The following UGT1A8 variants were observed in gnomAD, a reference collection of about 807,000 sequenced individuals.
UGT1A8 encodes the protein UDP-glucuronosyltransferase 1A8.
A neutral mutation model predicts 45.3 loss-of-function variants in UGT1A8; 39 were observed. The ratio of observed to expected loss-of-function variants is 0.86; its 90% confidence interval spans 0.67 to 1.12. The LOEUF (loss-of-function observed/expected upper bound fraction) is 1.12. Ranked by LOEUF, UGT1A8 falls within the 50% of genes most tolerant of loss-of-function variation. The probability of loss-of-function intolerance (pLI) is 0.00; values close to 1 mark genes in which losing one functional copy is unlikely to be tolerated. For synonymous variants in UGT1A8, 275 were observed against 249.2 expected (o/e 1.10, Z -0.97); for missense variants, 719 against 664.9 (o/e 1.08, Z -0.90).
chr2:233,633,995 T>C (rs567956780), intron 1 of UGT1A8, among the ~76,000 whole-genome samples: 1 of 152,238 alleles, frequency 6.6e-6, no homozygotes, highest in South Asian at 2.1e-4. Context: ...TCCCAGAGAT[T>C]CTGGTAGGTT....
intron 1 of UGT1A8, among the ~76,000 whole-genome samples, chr2:233,678,894 G>T (rs1012651965): frequency 3.3e-5 from 5 of 152,108 alleles, no homozygotes; most frequent in African/African-American, 9.7e-5. Flanking sequence ...GATTGGCTCT[G>T]TCATAAATCC....
At chr2:233,636,498 T>C (rs768818871) in intron 1 of UGT1A8, 1 of 1,599,320 alleles carries the variant, frequency 6.3e-7, no homozygotes, top group East Asian at 2.2e-5. Flanking sequence ...GAATCCCAGC[T>C]GCTGGCTCGG....
chr2:233,736,477 G>T (rs565407070), intron 1 of UGT1A8, among the ~76,000 whole-genome samples: 1 of 152,272 alleles, frequency 6.6e-6, no homozygotes, highest in East Asian at 1.9e-4. Context: ...GCTTGGAGAG[G>T]TTTGTTACTA....
At chr2:233,718,299 ACT>A (rs1382427566) in intron 1 of UGT1A8, among the ~76,000 whole-genome samples, 3 of 151,938 alleles carry the variant, frequency 2.0e-5, no homozygotes, top group Admixed American at 6.5e-5. Flanking sequence ...CAGCCTGAAC[ACT>A]CTCTGTTTAG....
intron 1 of UGT1A8, among the ~76,000 whole-genome samples, chr2:233,661,172 T>C (rs1249586465): frequency 6.6e-6 from 1 of 151,898 alleles, no homozygotes; most frequent in East Asian, 1.9e-4. Flanking sequence ...CAGACTTTTT[T>C]TTTCTGAAAT....
intron 1 of UGT1A8, among the ~76,000 whole-genome samples, chr2:233,635,922 G>T (rs45464594): frequency 0.017 from 2,532 of 150,956 alleles, 207 homozygotes; most frequent in African/African-American, 0.058. Flanking sequence ...ATGGTCCATG[G>T]AGGCAGGGTT....
At chr2:233,746,331 A>G (rs1482608381) in intron 1 of UGT1A8, among the ~76,000 whole-genome samples, 1 of 151,784 alleles carries the variant, frequency 6.6e-6, no homozygotes, top group Non-Finnish European at 1.5e-5. Context: ...TCTACAGGGC[A>G]ATGGACATGT....
Position 233,760,789 on chromosome 2 carries a change from A to G in UGT1A8, c.856-6245A>G, listed in dbSNP as rs756010756. 3.7e-6 allele frequency: 6 copies of G among 1,613,282 alleles called. No homozygotes were observed. In the African/African-American group the frequency reaches 6.7e-5, roughly 18 times the overall value. On this transcript the variant is annotated intron_variant, in intron 1 of 4. Coordinates refer to ENST00000373450, the MANE Select transcript of UGT1A8 (RefSeq NM_019076.5). Reference sequence around the variant, plus strand: ...CGTGGCCCAGTACCTGTCTCTGCCCACTGTATTCTTCTTGCATGCACTGCC... The same window carrying G: ...CGTGGCCCAGTACCTGTCTCTGCCCGCTGTATTCTTCTTGCATGCACTGCC...
chr2:233,747,015 G>A lies in UGT1A8; in HGVS notation c.856-20019G>A, dbSNP rs911515983. 7.2e-5 allele frequency among the ~76,000 whole-genome samples: 11 copies of A among 151,822 alleles called. 1 individual carries two copies. The highest frequency in any genetic ancestry group is 2.2e-4 in the African/African-American group (9 of 41,118). Reference sequence around the variant, plus strand: ...ATGAGTTTTTCAAGTAGGAGTGATCGGTCTTTCCCGAAGTGGGACCCATAA... The same window carrying A: ...ATGAGTTTTTCAAGTAGGAGTGATCAGTCTTTCCCGAAGTGGGACCCATAA... On this transcript the variant is annotated intron_variant, in intron 1 of 4. Coordinates refer to ENST00000373450, the MANE Select transcript of UGT1A8 (RefSeq NM_019076.5).
chr2:233,687,664 A>G (rs1394370925), intron 1 of UGT1A8, among the ~76,000 whole-genome samples: 2 of 151,670 alleles, frequency 1.3e-5, no homozygotes, highest in Non-Finnish European at 2.9e-5. Flanking sequence ...GCACTTTAGG[A>G]GGCCAAGGCA....
At chr2:233,690,901 A>G (rs2075020381) in intron 1 of UGT1A8, 2 of 1,032,262 alleles carry the variant, frequency 1.9e-6, no homozygotes, top group Non-Finnish European at 2.3e-6. Context: ...TGGTATGCAT[A>G]GTGATGTTAG....
At chr2:233,727,744 G>A (rs1233532072) in intron 1 of UGT1A8, among the ~76,000 whole-genome samples, 5 of 152,112 alleles carry the variant, frequency 3.3e-5, no homozygotes, top group Admixed American at 6.5e-5. Flanking sequence ...GCCATCCTGC[G>A]TGTGCTGCCC....
chr2:233,688,007 T>C (rs1384823044), intron 1 of UGT1A8, among the ~76,000 whole-genome samples: 1 of 152,242 alleles, frequency 6.6e-6, no homozygotes, highest in Non-Finnish European at 1.5e-5. Context: ...TGCTCCCAGA[T>C]ACAATCAACC....
At chr2:233,737,682 C>T (rs555307155) in intron 1 of UGT1A8, among the ~76,000 whole-genome samples, 163 of 152,234 alleles carry the variant, frequency 1.1e-3, no homozygotes, top group Non-Finnish European at 1.9e-3. Flanking sequence ...CCTATTTGGC[C>T]ATTGGTGCTG....
At chr2:233,651,574 T>C (rs2073742557) in intron 1 of UGT1A8, among the ~76,000 whole-genome samples, 1 of 152,210 alleles carries the variant, frequency 6.6e-6, no homozygotes, top group African/African-American at 2.4e-5. Context: ...AAGAGTGCCC[T>C]TTGACAAAGA....
At chr2:233,704,256 C>CTTTTT (rs59925871) in intron 1 of UGT1A8, among the ~76,000 whole-genome samples, 19 of 123,678 alleles carry the variant, frequency 1.5e-4, no homozygotes, top group African/African-American at 4.6e-4. Flanking sequence ...GCCTTTATTG[C>CTTTTT]TTTTTTTTTT....
intron 1 of UGT1A8, among the ~76,000 whole-genome samples, chr2:233,730,180 A>C (rs1264603007): frequency 3.9e-5 from 6 of 152,190 alleles, no homozygotes; most frequent in South Asian, 2.1e-4. Flanking sequence ...TCAGGTTTTA[A>C]ATGGTCACTG....
intron 1 of UGT1A8, among the ~76,000 whole-genome samples, chr2:233,661,713 T>C (rs547930478): frequency 2.8e-5 from 4 of 144,876 alleles, no homozygotes; most frequent in South Asian, 2.2e-4. Flanking sequence ...GGATTCTTTT[T>C]TTTTTTTTTA....
chr2:233,743,985 AGG>A, intron 1 of UGT1A8: 1 of 1,283,222 alleles, frequency 7.8e-7, no homozygotes, highest in South Asian at 1.3e-5. Context: ...ACCCAGGCGC[AGG>A]CCCGAGTGCT....
Sources: allele counts gnomAD v4.1 joint callset (sites outside exome capture counted in the v4.1 genomes callset), GRCh38; gene constraint gnomAD v4.1.1; transcripts MANE v1.5; gene names NCBI Gene and HGNC (gene_info 2026-07-23, HGNC 2026-07-21).